Variants in HMGXB3 observed in about 807,000 individuals in gnomAD.
HMGXB3 encodes the protein HMG-box containing 3.
In HMGXB3, 45 loss-of-function variants were observed where a neutral mutation model predicts 121.5. The observed-to-expected ratio is 0.37, with a 90% CI of 0.29 to 0.47. The LOEUF (loss-of-function observed/expected upper bound fraction) is 0.47, where lower values mean the gene tolerates loss of function less well. HMGXB3 is among the 20% of genes least tolerant of loss of function. The pLI is 0.99. For missense variants in HMGXB3, 1,376 were observed against 1,602.2 expected, an observed-to-expected ratio of 0.86 and a Z score of 2.41; for synonymous variants, 590 against 624.1, an observed-to-expected ratio of 0.95 and a Z score of 0.81.
chr5:150,006,389 C>G (rs560104374), intron 2 of HMGXB3, 84 bp from the exon 3 acceptor site: 2 of 1,212,978 alleles, frequency 1.6e-6, no homozygotes, highest in East Asian at 2.6e-5. Context: ...AGTCCTGGGT[C>G]GAGGGATGGG....
At chr5:150,047,488 T>G in intron 16 of HMGXB3, 136 bp from the exon 17 acceptor site, 1 of 992,712 alleles carries the variant, frequency 1.0e-6, no homozygotes, top group Non-Finnish European at 1.5e-6. Context: ...GGACCTGACT[T>G]GAGTTCCACC....
intron 6 of HMGXB3, chr5:150,021,684 A>T (rs1001415051): frequency 9.7e-6 from 5 of 517,982 alleles, no homozygotes; most frequent in African/African-American, 9.6e-5. Context: ...GGATTCTCCT[A>T]TGGAAACATT....
At position 150,052,502 on chromosome 5, in the gene HMGXB3, G is replaced by T. The variant is rs1561895831; in HGVS notation, c.*310G>T. 5.6e-6 allele frequency: 2 copies of T among 357,520 alleles called. No individual in the cohort carries two copies. The highest frequency in any genetic ancestry group is 1.0e-5 in the Non-Finnish European group (2 of 192,306). The allele number at this position is 357,520 out of a possible 1,614,324, so 22.1% of individuals were successfully genotyped here. A position where few individuals can be genotyped will look rare whatever the true frequency, so the allele number is the denominator to read the frequency against. Reference sequence around the variant, plus strand: ...GTAGCTGGTGGGTTCCGTGGGGCCTGCGGTGTGGGTCAGGGTGGAGGTCCT... The same window carrying T: ...GTAGCTGGTGGGTTCCGTGGGGCCTTCGGTGTGGGTCAGGGTGGAGGTCCT... On this transcript the variant is annotated 3_prime_UTR_variant, in exon 20 of 20. Coordinates refer to ENST00000502717, the MANE Select transcript of HMGXB3 (RefSeq NM_014983.3).
At position 150,026,868 on chromosome 5, in the gene HMGXB3, C is replaced by T. The variant is rs1427986716; in HGVS notation, c.1623C>T (p.Ala541=). The part of the protein sequence containing the change: ...SSMGLPRARQ[A]FSLSDKTPSV... ...TGGGACTGCCCAGGGCCAGGCAGGC[C>T]TTTTCCCTGAGTGGTAAGGGCTGGG... Residue 541 remains alanine (A), a synonymous_variant, in exon 8 of 20, where the codon GCC becomes GCT. Coordinates refer to ENST00000502717, the MANE Select transcript of HMGXB3 (RefSeq NM_014983.3). 6.6e-7 allele frequency: 1 copy of T among 1,511,474 alleles called. No homozygotes were observed. Among genetic ancestry groups the T allele is most frequent in the Non-Finnish European group, 8.9e-7 (1 of 1,127,806 alleles). The allele number at this position is 1,511,474 out of a possible 1,614,324, so 93.6% of individuals were successfully genotyped here.
chr5:150,043,099 A>G (rs190061773), intron 15 of HMGXB3, among the ~76,000 whole-genome samples: 223 of 152,352 alleles, frequency 1.5e-3, no homozygotes, highest in African/African-American at 3.9e-3. Flanking sequence ...GTAATTCACT[A>G]CTTAACCGAT....
chr5:150,028,741 A>T (rs1044957418), intron 9 of HMGXB3, among the ~76,000 whole-genome samples: 7 of 149,464 alleles, frequency 4.7e-5, no homozygotes, highest in Non-Finnish European at 8.9e-5. Context: ...TAATTTTTAA[A>T]TTTTTTTTGT....
intron 5 of HMGXB3, chr5:150,014,761 A>G: frequency 3.1e-6 from 1 of 321,402 alleles, no homozygotes; most frequent in Non-Finnish European, 5.7e-6. Context: ...GAGTCTGTGT[A>G]TGGGCCCTCT....
intron 2 of HMGXB3, among the ~76,000 whole-genome samples, chr5:150,006,189 C>G (rs1169593176): frequency 6.6e-6 from 1 of 152,094 alleles, no homozygotes; most frequent in African/African-American, 2.4e-5. Context: ...TTGTGTTGTA[C>G]TGACAGCTAT....
rs182381018 is a variant in HMGXB3 at position 150,045,966 on chromosome 5, C to T, written c.2950+281C>T. Among the ~76,000 whole-genome samples the T allele has an allele frequency of 2.8e-3, 428 of 152,300 alleles. 2 individuals carry two copies. Among genetic ancestry groups the T allele is most frequent in the African/African-American group, 9.8e-3 (408 of 41,558 alleles). On this transcript the variant is annotated intron_variant, in intron 16 of 19. Transcript: ENST00000502717. ...AGTAGCAGAACTCCTATAAAAAATG[C>T]TGATAAGGCTCCATCCCCAAAGGTT...
At chr5:150,035,898 A>G (rs1756491865) in intron 11 of HMGXB3, among the ~76,000 whole-genome samples, 1 of 152,162 alleles carries the variant, frequency 6.6e-6, no homozygotes, top group Admixed American at 6.5e-5. Flanking sequence ...AGCAGTGCAG[A>G]TACTTGTTTA....
intron 19 of HMGXB3, among the ~76,000 whole-genome samples, chr5:150,051,205 C>G (rs1756880466): frequency 6.6e-6 from 1 of 152,212 alleles, no homozygotes; most frequent in African/African-American, 2.4e-5. Flanking sequence ...TCTCACCAGT[C>G]ATGTACCCTC....
chr5:150,019,181 C>A (rs147159778), intron 6 of HMGXB3, among the ~76,000 whole-genome samples: 4 of 152,160 alleles, frequency 2.6e-5, no homozygotes, highest in South Asian at 2.1e-4. Flanking sequence ...TTTAACATAT[C>A]ATGCCTTTAA....
At chr5:150,044,948 C>T (rs1756723041) in intron 15 of HMGXB3, among the ~76,000 whole-genome samples, 1 of 152,126 alleles carries the variant, frequency 6.6e-6, no homozygotes, top group African/African-American at 2.4e-5. Context: ...AGGATGTCGG[C>T]AATCCACAGG....
intron 3 of HMGXB3, among the ~76,000 whole-genome samples, chr5:150,008,850 C>G (rs986082884): frequency 1.3e-5 from 2 of 152,222 alleles, no homozygotes; most frequent in Non-Finnish European, 2.9e-5. Context: ...CCCATTACCT[C>G]TCCAATAAAG....
At chr5:150,004,488 T>C (rs1006827607) in intron 1 of HMGXB3, among the ~76,000 whole-genome samples, 3 of 152,184 alleles carry the variant, frequency 2.0e-5, no homozygotes, top group African/African-American at 7.2e-5. Context: ...AGAATTGTTA[T>C]AATTTGGGGC....
chr5:150,033,610 T>C (rs1236760166), intron 11 of HMGXB3, among the ~76,000 whole-genome samples: 1 of 152,132 alleles, frequency 6.6e-6, no homozygotes, highest in Non-Finnish European at 1.5e-5. Flanking sequence ...GAAAAGCATC[T>C]TGGAACCATG....
Position 150,052,165 on chromosome 5 carries a change from AGAG to A in HMGXB3, c.3857_3859del (p.Glu1286del), listed in dbSNP as rs1756928105. ...CAGAGACAGAGGAGGAGGGTGAGGA[AGAG>A]GAGGTGGCCGCAGTGGCAGAATAAG... On this transcript the variant is annotated inframe_deletion, in exon 20 of 20. Coordinates refer to ENST00000502717, the MANE Select transcript of HMGXB3 (RefSeq NM_014983.3). 2.6e-6 allele frequency: 4 copies of A among 1,547,284 alleles called. No homozygotes were observed. Among genetic ancestry groups the A allele is most frequent in the South Asian group, 2.4e-5 (2 of 84,034 alleles).
intron 5 of HMGXB3, among the ~76,000 whole-genome samples, chr5:150,015,569 G>A (rs772694398): frequency 2.0e-5 from 3 of 152,144 alleles, no homozygotes; most frequent in Non-Finnish European, 2.9e-5. Flanking sequence ...AATTACAGGC[G>A]TGAGCCACCG....
chr5:150,012,603 C>T (rs1755868438), intron 5 of HMGXB3, among the ~76,000 whole-genome samples: 1 of 152,170 alleles, frequency 6.6e-6, no homozygotes, highest in Admixed American at 6.5e-5. Flanking sequence ...AAGTTTTATA[C>T]AAACTTTTTT....
Sources: gnomAD v4.1 joint callset for allele counts (sites outside exome capture counted in the v4.1 genomes callset) on GRCh38, gnomAD v4.1.1 for gene constraint, MANE v1.5 for transcripts, NCBI Gene and HGNC (gene_info 2026-07-23, HGNC 2026-07-21) for gene names.